Variants in HNF4G observed in about 807,000 individuals in gnomAD.
HNF4G encodes hepatocyte nuclear factor 4 gamma.
A neutral mutation model predicts 50.9 loss-of-function variants in HNF4G; 21 were observed. That is an observed-to-expected ratio of 0.41 (90% CI 0.29 to 0.59). The LOEUF (loss-of-function observed/expected upper bound fraction) is 0.59. HNF4G is among the 20% of genes least tolerant of loss of function. The pLI, the probability that HNF4G is intolerant of heterozygous loss-of-function variation, is 0.26. For synonymous variants in HNF4G, 198 were observed against 185.6 expected (o/e 1.07, Z -0.54); for missense variants, 527 against 559.4 (o/e 0.94, Z 0.58).
At chr8:75,468,179 G>GT (rs1331391022) in intron 1 of HNF4G, among the ~76,000 whole-genome samples, 2 of 152,024 alleles carry the variant, frequency 1.3e-5, no homozygotes, top group Non-Finnish European at 2.9e-5. Flanking sequence ...CTATAATATA[G>GT]TTTTTCTAGT....
intron 2 of HNF4G, among the ~76,000 whole-genome samples, chr8:75,530,963 T>G (rs916748939): frequency 3.3e-5 from 5 of 151,990 alleles, no homozygotes. Flanking sequence ...CAGCTAATTT[T>G]GGTATTTTTT....
chr8:75,551,293 C>T (rs1320960509), intron 3 of HNF4G, 95 bp from the exon 4 acceptor site: 12 of 652,716 alleles, frequency 1.8e-5, no homozygotes, highest in Middle Eastern at 6.5e-4. Context: ...GACTTTTTCT[C>T]ACTTTTTTTA....
At chr8:75,519,689 T>C (rs1015208383) in intron 2 of HNF4G, among the ~76,000 whole-genome samples, 9 of 152,164 alleles carry the variant, frequency 5.9e-5, no homozygotes, top group African/African-American at 1.7e-4. Context: ...ATGGGAATTA[T>C]GGGAGCTACA....
intron 2 of HNF4G, among the ~76,000 whole-genome samples, chr8:75,522,216 C>CT (rs1554577524): frequency 2.0e-5 from 3 of 152,224 alleles, no homozygotes; most frequent in East Asian, 1.9e-4. Context: ...ATTAAACAAA[C>CT]TTTTTTTATA....
At chr8:75,561,524 G>C (rs1807311385) in intron 9 of HNF4G, among the ~76,000 whole-genome samples, 1 of 152,182 alleles carries the variant, frequency 6.6e-6, no homozygotes, top group Non-Finnish European at 1.5e-5. Context: ...TGTTTTCCAT[G>C]CCTGAACTGA....
At chr8:75,491,232 C>G (rs114923589) in intron 2 of HNF4G, among the ~76,000 whole-genome samples, 1 of 152,110 alleles carries the variant, frequency 6.6e-6, no homozygotes, top group African/African-American at 2.4e-5. Flanking sequence ...AGTGTTAGAA[C>G]GGGCATATAT....
rs201183704 is a variant in HNF4G, at chr8:75,541,465, G to A, written c.118+1385G>A. ...AATGTTACCAGAAGAAAAATGTTTA[G>A]CATTTTAATCCTATGTCACATGACT... On this transcript the variant is annotated intron_variant, in intron 1 of 9. Coordinates refer to ENST00000396423, the MANE Select transcript of HNF4G (RefSeq NM_004133.5). Among the ~76,000 whole-genome samples, 16 of 152,024 alleles carry A rather than the reference G, an allele frequency of 1.1e-4. No individual in the cohort carries two copies. The East Asian group carries it at 2.5e-3, about 24-fold the overall frequency.
rs767051630 is a variant in HNF4G, at chr8:75,539,988, T to C, written c.26T>C (p.Leu9Pro). ...ATGATGAGGGTATCAGAACCAATACTGGACATGGACATGGCAAATTACAGT... is the reference window on the plus strand; with the variant it reads ...ATGATGAGGGTATCAGAACCAATACCGGACATGGACATGGCAAATTACAGT... MMRVSEPI[L>P]DMDMANYSEV... The change falls in exon 1 of 10, where the codon CTG becomes CCG. Residue 9 changes from leucine (L) to proline (P), a missense_variant. Physicochemically the swap from Leu to Pro is moderately conservative, Grantham distance 98 (BLOSUM62 -3). Transcript: ENST00000396423. The C allele has an allele frequency of 8.8e-6, 14 of 1,587,062 alleles. No homozygotes were observed. The South Asian group carries it at 1.5e-4, about 18-fold the overall frequency.
In HNF4G at chr8:75,566,022, G is replaced by C. The variant is rs558065742; in HGVS notation, c.*1926G>C. 1 of 151,704 alleles carries C rather than the reference G, an allele frequency of 6.6e-6. No homozygotes were observed. The highest frequency in any genetic ancestry group is 6.6e-5 in the Admixed American group (1 of 15,212). The allele number at this position is 151,704 out of a possible 1,614,324, so 9.4% of individuals were successfully genotyped here. ...GTAGATTTTTGTTTACTTTTGGGGG[G>C]GTTCCCTTAGAAGACATTAAAAAAA... On this transcript the variant is annotated 3_prime_UTR_variant, in exon 10 of 10. Coordinates refer to ENST00000396423, the MANE Select transcript of HNF4G (RefSeq NM_004133.5).
intron 1 of HNF4G, among the ~76,000 whole-genome samples, chr8:75,478,087 G>A (rs1426961112): frequency 5.9e-5 from 9 of 152,190 alleles, no homozygotes; most frequent in Admixed American, 3.3e-4. Context: ...CGAGGCAGGC[G>A]GATCGCCTGA....
At chr8:75,408,563 T>C (rs776192479) in intron 1 of HNF4G, among the ~76,000 whole-genome samples, 3 of 152,174 alleles carry the variant, frequency 2.0e-5, no homozygotes, top group Non-Finnish European at 4.4e-5. Context: ...AAATATAGTA[T>C]TGAGATCTTC....
chr8:75,427,036 T>G (rs2130506878), intron 1 of HNF4G, among the ~76,000 whole-genome samples: 1 of 152,326 alleles, frequency 6.6e-6, no homozygotes, highest in South Asian at 2.1e-4. Flanking sequence ...GAAAAAAGTT[T>G]TAGTTAATGT....
chr8:75,532,781 G>A (rs569067400), intron 2 of HNF4G, among the ~76,000 whole-genome samples: 19 of 152,152 alleles, frequency 1.2e-4, no homozygotes, highest in South Asian at 1.2e-3. Context: ...TGTAAATTAT[G>A]ACAGGCATTC....
intron 1 of HNF4G, among the ~76,000 whole-genome samples, chr8:75,431,112 T>A (rs1016906232): frequency 1.9e-4 from 29 of 152,026 alleles, no homozygotes; most frequent in African/African-American, 7.0e-4. Flanking sequence ...TAGAAATAGC[T>A]GAAAAGGAAA....
chr8:75,504,047 C>T (rs2130710849), intron 2 of HNF4G, among the ~76,000 whole-genome samples: 1 of 152,130 alleles, frequency 6.6e-6, no homozygotes, highest in East Asian at 1.9e-4. Context: ...CATGGTGAAA[C>T]CCTGTCTCTA....
intron 4 of HNF4G, among the ~76,000 whole-genome samples, chr8:75,551,846 G>A (rs1355045835): frequency 2.0e-5 from 3 of 152,084 alleles, no homozygotes; most frequent in African/African-American, 7.2e-5. Flanking sequence ...CAACTTTTGG[G>A]GAGTTTGGTT....
At chr8:75,450,728 T>C (rs1354772556) in intron 1 of HNF4G, among the ~76,000 whole-genome samples, 1 of 152,224 alleles carries the variant, frequency 6.6e-6, no homozygotes, top group Non-Finnish European at 1.5e-5. Flanking sequence ...GTTCATGTGT[T>C]GGACACTTAA....
chr8:75,562,796 A>G (rs952435518), intron 9 of HNF4G, among the ~76,000 whole-genome samples: 1 of 152,186 alleles, frequency 6.6e-6, no homozygotes, highest in African/African-American at 2.4e-5. Flanking sequence ...TGCTCATTTG[A>G]AATAATTTAT....
At position 75,495,225 on chromosome 8, in the gene HNF4G, C is replaced by T. The variant is rs140975800; in HGVS notation, c.-24+5017C>T. Among the ~76,000 whole-genome samples, 270 of 152,240 alleles carry T rather than the reference C, an allele frequency of 1.8e-3. 4 individuals carry two copies. The highest frequency in any genetic ancestry group is 0.016 in the East Asian group (82 of 5,176). On this transcript the variant is annotated intron_variant, in intron 2 of 10. Transcript: ENST00000354370. ...TTTGAAATCACCAACAATGGTATTTCGTATCATGCAGAGTCATATAGAAAA... is the reference window on the plus strand; with the variant it reads ...TTTGAAATCACCAACAATGGTATTTTGTATCATGCAGAGTCATATAGAAAA...
Sources: allele counts gnomAD v4.1 joint callset (sites outside exome capture counted in the v4.1 genomes callset), GRCh38; gene constraint gnomAD v4.1.1; transcripts MANE v1.5; gene names NCBI Gene and HGNC (gene_info 2026-07-23, HGNC 2026-07-21).